Variants in AFF3 observed in about 807,000 individuals in gnomAD.
AFF3 encodes the protein ALF transcription elongation factor 3.
AFF3 carries 32 observed loss-of-function variants against 129.7 expected under a neutral mutation model. That is an observed-to-expected ratio of 0.25 (90% CI 0.19 to 0.33). The LOEUF (loss-of-function observed/expected upper bound fraction) is 0.33. Among genes scored for constraint, AFF3 ranks in the 10% least tolerant of loss-of-function variants. The pLI is 1.00. For missense variants in AFF3, 1,373 were observed against 1,592.0 expected (o/e 0.86, Z 2.34); for synonymous variants, 644 against 635.4 (o/e 1.01, Z -0.20).
At chr2:100,054,100 C>T (rs957840780) in intron 4 of AFF3, among the ~76,000 whole-genome samples, 13 of 152,176 alleles carry the variant, frequency 8.5e-5, no homozygotes, top group African/African-American at 2.9e-4. Context: ...ACAACCTCTA[C>T]ACCTGCTGAA....
intron 7 of AFF3, among the ~76,000 whole-genome samples, chr2:99,876,028 C>T (rs931984586): frequency 4.6e-5 from 7 of 152,130 alleles, no homozygotes; most frequent in African/African-American, 1.2e-4. Context: ...ATGGCACTGG[C>T]GACTTCCAGT....
intron 13 of AFF3, among the ~76,000 whole-genome samples, chr2:99,604,542 G>A (rs1260417761): frequency 1.3e-5 from 2 of 152,138 alleles, no homozygotes; most frequent in Non-Finnish European, 2.9e-5. Flanking sequence ...ATATCTGAGT[G>A]ATGAAATAAT....
At chr2:99,791,295 G>A (rs1685170179) in intron 8 of AFF3, among the ~76,000 whole-genome samples, 2 of 152,308 alleles carry the variant, frequency 1.3e-5, no homozygotes, top group African/African-American at 4.8e-5. Flanking sequence ...ATCTACGGAT[G>A]CTTATATAAA....
At chr2:99,554,766 C>T (rs1674765501) in intron 22 of AFF3, 34 bp from the exon 23 acceptor site, 1 of 1,613,308 alleles carries the variant, frequency 6.2e-7, no homozygotes, top group Non-Finnish European at 8.5e-7. Context: ...CAGTGAGTGC[C>T]ATCTGCGTGA....
intron 15 of AFF3, among the ~76,000 whole-genome samples, chr2:99,592,940 C>CG (rs926324918): frequency 5.3e-5 from 5 of 93,630 alleles, no homozygotes; most frequent in South Asian, 5.0e-4. Flanking sequence ...CCTCCCCCCC[C>CG]CCCAAAAAAA....
chr2:100,012,115 C>G (rs774274083), intron 4 of AFF3, among the ~76,000 whole-genome samples: 5 of 152,162 alleles, frequency 3.3e-5, no homozygotes, highest in Non-Finnish European at 5.9e-5. Flanking sequence ...GGACCACTTA[C>G]TCATAATCTT....
At chr2:100,110,871 A>G (rs1691489589) in intron 2 of AFF3, among the ~76,000 whole-genome samples, 1 of 152,220 alleles carries the variant, frequency 6.6e-6, no homozygotes, top group African/African-American at 2.4e-5. Flanking sequence ...AGTCTCTCTT[A>G]TTGCAAGAAC....
intron 13 of AFF3, among the ~76,000 whole-genome samples, chr2:99,624,505 T>C (rs1024511542): frequency 1.3e-5 from 2 of 152,120 alleles, no homozygotes; most frequent in South Asian, 2.1e-4. Context: ...AAGGGAGTAA[T>C]GGTGTTTAAA....
intron 7 of AFF3, among the ~76,000 whole-genome samples, chr2:99,903,634 TGAGA>T (rs991996401): frequency 6.6e-6 from 1 of 152,198 alleles, no homozygotes; most frequent in African/African-American, 2.4e-5. Context: ...ATGAATTTAA[TGAGA>T]TTTTTAAAAA....
intron 2 of AFF3, among the ~76,000 whole-genome samples, chr2:100,125,624 T>G (rs778134301): frequency 6.8e-6 from 1 of 147,056 alleles, no homozygotes; most frequent in Non-Finnish European, 1.5e-5. Context: ...GAGGTATTAT[T>G]TTGGTTAAAA....
chr2:99,730,587 C>A (rs1187024324), intron 10 of AFF3, among the ~76,000 whole-genome samples: 1 of 149,222 alleles, frequency 6.7e-6, no homozygotes, highest in East Asian at 2.0e-4. Flanking sequence ...GCACTCTCTT[C>A]ACTGCAACCT....
chr2:99,776,557 A>G (rs1683918107), intron 8 of AFF3, among the ~76,000 whole-genome samples: 1 of 152,224 alleles, frequency 6.6e-6, no homozygotes, highest in Non-Finnish European at 1.5e-5. Flanking sequence ...ATAAAAATCA[A>G]AACATAATCA....
intron 18 of AFF3, among the ~76,000 whole-genome samples, chr2:99,571,473 C>G (rs1676471676): frequency 6.6e-6 from 1 of 152,160 alleles, no homozygotes; most frequent in Admixed American, 6.5e-5. Flanking sequence ...TTGTTTTCAT[C>G]TGCAGCATAG....
At chr2:99,755,228 CA>C (rs1681988645) in intron 8 of AFF3, among the ~76,000 whole-genome samples, 1 of 151,908 alleles carries the variant, frequency 6.6e-6, no homozygotes, top group African/African-American at 2.4e-5. Context: ...CGGCTCCCTC[CA>C]AAATTGCCTC....
At chr2:100,137,536 T>TACATAC (rs1692684774) in intron 1 of AFF3, among the ~76,000 whole-genome samples, 1 of 144,026 alleles carries the variant, frequency 6.9e-6, no homozygotes, top group South Asian at 2.2e-4. Context: ...CACACGTGCA[T>TACATAC]ACACACACAC....
Position 99,965,465 on chromosome 2 carries a change from G to GA in AFF3, c.873+41166dup, listed in dbSNP as rs1677654975. ...TTCCTGGAGTGCACAGTAGATAAAT[G>GA]AAAATATTTAGAAATCCACATTAAA... On this transcript the variant is annotated intron_variant, in intron 7 of 24. Transcript: ENST00000672756. Among the ~76,000 whole-genome samples the GA allele has an allele frequency of 2.6e-5, 4 of 152,302 alleles. No homozygotes were observed. In the South Asian group the frequency reaches 8.3e-4, roughly 32 times the overall value.
intron 4 of AFF3, among the ~76,000 whole-genome samples, chr2:100,036,335 C>T (rs370201194): frequency 1.1e-4 from 17 of 152,106 alleles, no homozygotes; most frequent in African/African-American, 4.1e-4. Flanking sequence ...ATCCTACCAA[C>T]TTTTCTAAAA....
intron 12 of AFF3, among the ~76,000 whole-genome samples, chr2:99,657,186 G>A (rs1021850680): frequency 6.6e-5 from 10 of 152,158 alleles, no homozygotes; most frequent in South Asian, 2.1e-4. Flanking sequence ...AGCAGAGGAC[G>A]AATCCTTCTA....
chr2:100,111,066 G>A (rs1691495231), intron 2 of AFF3, among the ~76,000 whole-genome samples: 2 of 152,200 alleles, frequency 1.3e-5, no homozygotes, highest in Non-Finnish European at 2.9e-5. Context: ...AAGTTGGCAA[G>A]TCTGAAGTTA....
Sources: gnomAD v4.1 joint callset for allele counts (sites outside exome capture counted in the v4.1 genomes callset) on GRCh38, gnomAD v4.1.1 for gene constraint, MANE v1.5 for transcripts, NCBI Gene and HGNC (gene_info 2026-07-23, HGNC 2026-07-21) for gene names.